Variants in FAM171A1 observed in about 807,000 individuals in gnomAD.
FAM171A1 encodes protein FAM171A1.
A neutral mutation model predicts 74.9 loss-of-function variants in FAM171A1; 23 were observed. The ratio of observed to expected loss-of-function variants is 0.31; its 90% CI spans 0.22 to 0.44. The LOEUF is 0.44. Ranked by LOEUF, FAM171A1 falls within the 20% of genes least tolerant of loss-of-function variation. FAM171A1 has a pLI of 1.00. For synonymous variants in FAM171A1, 527 were observed against 505.7 expected, an observed-to-expected ratio of 1.04 and a Z score of -0.57; for missense variants, 1,162 against 1,159.2, an observed-to-expected ratio of 1.00 and a Z score of -0.03.
chr10:15,328,904 G>C (rs1835591376), intron 1 of FAM171A1, among the ~76,000 whole-genome samples: 1 of 152,048 alleles, frequency 6.6e-6, no homozygotes, highest in Admixed American at 6.5e-5. Flanking sequence ...GGCTTCTTTT[G>C]ACAGATATGT....
intron 1 of FAM171A1, among the ~76,000 whole-genome samples, chr10:15,344,823 C>T (rs987931651): frequency 1.3e-5 from 2 of 152,102 alleles, no homozygotes; most frequent in South Asian, 2.1e-4. Flanking sequence ...AAAACATTTG[C>T]GAATCTCATG....
intron 5 of FAM171A1, among the ~76,000 whole-genome samples, chr10:15,239,686 C>A (rs987070016): frequency 1.3e-5 from 2 of 152,154 alleles, no homozygotes; most frequent in Non-Finnish European, 2.9e-5. Flanking sequence ...TTACATATTC[C>A]GCTGATTCTT....
chr10:15,290,552 G>C (rs187922653), intron 1 of FAM171A1, among the ~76,000 whole-genome samples: 1,570 of 152,186 alleles, frequency 0.01, 15 homozygotes, highest in Non-Finnish European at 0.015. Context: ...CAACTGTGGG[G>C]GTGTACAACA....
At chr10:15,347,862 TAAGAA>T (rs1835834942) in intron 1 of FAM171A1, among the ~76,000 whole-genome samples, 1 of 138,200 alleles carries the variant, frequency 7.2e-6, no homozygotes, top group Admixed American at 7.2e-5. Context: ...AAAAAAAAAT[TAAGAA>T]AAGAAAAAGC....
intron 1 of FAM171A1, among the ~76,000 whole-genome samples, chr10:15,313,478 A>G (rs1232304909): frequency 6.6e-6 from 1 of 152,218 alleles, no homozygotes; most frequent in Non-Finnish European, 1.5e-5. Flanking sequence ...CCTCCTAAAG[A>G]ACCAGCCTAG....
intron 1 of FAM171A1, among the ~76,000 whole-genome samples, chr10:15,351,652 G>C (rs28654109): frequency 0.4 from 60,768 of 151,182 alleles, 12,281 homozygotes; most frequent in Non-Finnish European, 0.46. Context: ...TGGATGGATG[G>C]ATGCATGCAC....
In FAM171A1 at chr10:15,221,014, G is replaced by A; in HGVS notation, c.801C>T (p.Ser267=). The part of the protein sequence containing the change: ...SGLGLVHQEG[S]QLTWTYIAPQ... ...GGGCAATGTATGTCCACGTCAGCTG[G>A]CTGCCTTCCTGGTGCACAAGACCCA... The change falls in exon 6 of 8, where the codon AGC becomes AGT. Residue 267 remains serine (S), a synonymous_variant. Coordinates refer to ENST00000378116, the MANE Select transcript of FAM171A1 (RefSeq NM_001010924.2). 6.2e-7 allele frequency: 1 copy of A among 1,614,080 alleles called. No homozygotes were observed. Among genetic ancestry groups the A allele is most frequent in the Non-Finnish European group, 8.5e-7 (1 of 1,179,988 alleles).
intron 3 of FAM171A1, among the ~76,000 whole-genome samples, chr10:15,270,632 G>C (rs1834811561): frequency 6.6e-6 from 1 of 152,152 alleles, no homozygotes; most frequent in South Asian, 2.1e-4. Flanking sequence ...CTCCCAGTAG[G>C]GGCCGACTGA....
intron 2 of FAM171A1, among the ~76,000 whole-genome samples, chr10:15,281,070 A>C (rs1341668264): frequency 6.6e-6 from 1 of 152,182 alleles, no homozygotes; most frequent in Non-Finnish European, 1.5e-5. Flanking sequence ...TCTTGTGATC[A>C]TGAGTGAGTT....
At chr10:15,370,299 C>T (rs1437102472) in intron 1 of FAM171A1, among the ~76,000 whole-genome samples, 1 of 149,998 alleles carries the variant, frequency 6.7e-6, no homozygotes, top group Non-Finnish European at 1.5e-5. Flanking sequence ...TTCTTTCTTC[C>T]CTTACAGAGA....
intron 1 of FAM171A1, among the ~76,000 whole-genome samples, chr10:15,341,176 T>C (rs749080457): frequency 2.0e-5 from 3 of 152,202 alleles, no homozygotes; most frequent in Non-Finnish European, 4.4e-5. Flanking sequence ...GAAACCTGTA[T>C]AGGAGACAAA....
chr10:15,356,937 C>G (rs1588569939), intron 1 of FAM171A1, among the ~76,000 whole-genome samples: 1 of 151,720 alleles, frequency 6.6e-6, no homozygotes, highest in East Asian at 1.9e-4. Flanking sequence ...TGCCACTGCC[C>G]TCCAGCCTGG....
At chr10:15,263,875 CTATCTATCTATCTATCT>C (rs1834700923) in intron 3 of FAM171A1, among the ~76,000 whole-genome samples, 1 of 151,104 alleles carries the variant, frequency 6.6e-6, no homozygotes, top group Non-Finnish European at 1.5e-5. Flanking sequence ...ATCTATCTAT[CTATCTATCTATCTATCT>C]ATCTATCTAT....
At chr10:15,287,557 T>A (rs1300704540) in intron 1 of FAM171A1, among the ~76,000 whole-genome samples, 1 of 151,900 alleles carries the variant, frequency 6.6e-6, no homozygotes, top group Non-Finnish European at 1.5e-5. Context: ...CCACCTAATT[T>A]TTGTATTTTT....
At chr10:15,293,608 C>A (rs2131819852) in intron 1 of FAM171A1, among the ~76,000 whole-genome samples, 1 of 151,472 alleles carries the variant, frequency 6.6e-6, no homozygotes, top group East Asian at 1.9e-4. Flanking sequence ...AGTTTCCATG[C>A]AAAAACAGAA....
chr10:15,288,606 G>A (rs917107073), intron 1 of FAM171A1, among the ~76,000 whole-genome samples: 12 of 152,142 alleles, frequency 7.9e-5, no homozygotes, highest in Non-Finnish European at 1.8e-4. Context: ...GGCAAAAACT[G>A]CTGAGATTTG....
At chr10:15,308,001 G>A (rs559486334) in intron 1 of FAM171A1, among the ~76,000 whole-genome samples, 1 of 151,946 alleles carries the variant, frequency 6.6e-6, no homozygotes, top group African/African-American at 2.4e-5. Flanking sequence ...TTGTAGAGAT[G>A]AGGTCTAGCT....
At chr10:15,373,746 A>G (rs1290697820), upstream of FAM171A1, among the ~76,000 whole-genome samples, 1 of 152,238 alleles carries the variant, frequency 6.6e-6, no homozygotes, top group Non-Finnish European at 1.5e-5. Flanking sequence ...AATAGAAAAA[A>G]AATCCCATTC....
At chr10:15,246,900 C>T (rs952391967) in intron 5 of FAM171A1, among the ~76,000 whole-genome samples, 6 of 152,244 alleles carry the variant, frequency 3.9e-5, no homozygotes, top group African/African-American at 1.2e-4. Context: ...TGCCAAGACC[C>T]TCAGCCCGAG....
Sources: gnomAD v4.1 joint callset for allele counts (sites outside exome capture counted in the v4.1 genomes callset) on GRCh38, gnomAD v4.1.1 for gene constraint, MANE v1.5 for transcripts, NCBI Gene and HGNC (gene_info 2026-07-23, HGNC 2026-07-21) for gene names.